TRAPPC9: variants seen among roughly 807,000 people sequenced by gnomAD.
TRAPPC9 encodes the protein trafficking protein particle complex subunit 9.
In TRAPPC9, 83 loss-of-function variants were observed where a neutral mutation model predicts 124.0. The observed-to-expected ratio is 0.67, with a 90% CI of 0.56 to 0.80. TRAPPC9 has a LOEUF of 0.80. TRAPPC9 is among the 30% of genes least tolerant of loss of function. The pLI is 0.00. For missense variants in TRAPPC9, 1,302 were observed against 1,508.3 expected, an observed-to-expected ratio of 0.86 and a Z score of 2.27; for synonymous variants, 638 against 617.5, an observed-to-expected ratio of 1.03 and a Z score of -0.49.
chr8:139,941,757 C>T (rs1272131994), intron 19 of TRAPPC9, among the ~76,000 whole-genome samples: 2 of 152,130 alleles, frequency 1.3e-5, no homozygotes, highest in Non-Finnish European at 2.9e-5. Context: ...GCAGGCTGGC[C>T]GAGCAGGAGG....
intron 15 of TRAPPC9, among the ~76,000 whole-genome samples, chr8:140,266,182 C>T (rs1033505693): frequency 6.6e-5 from 10 of 152,078 alleles, no homozygotes; most frequent in African/African-American, 2.4e-4. Context: ...AGTGGCCAGG[C>T]ATGGTGGGTC....
chr8:139,902,277 A>G (rs1484011689), intron 20 of TRAPPC9, among the ~76,000 whole-genome samples: 1 of 152,234 alleles, frequency 6.6e-6, no homozygotes, highest in African/African-American at 2.4e-5. Context: ...CAAGGTGGGC[A>G]TGGCCACCAG....
chr8:140,233,510 A>G (rs2063652839), intron 16 of TRAPPC9, among the ~76,000 whole-genome samples: 5 of 151,414 alleles, frequency 3.3e-5, no homozygotes. Flanking sequence ...AGCCTCAAGG[A>G]CTAACTTTAT....
In TRAPPC9 at chr8:139,894,576, C is replaced by G. The variant is rs1336730101; in HGVS notation, c.2965-8607G>C. ...CAGCGGAGGGAGGGGGGGGCTGCTG[C>G]TTCTCTTTCCCTTGCAGCCCCCACA... On this transcript the variant is annotated intron_variant, in intron 20 of 22. Transcript: ENST00000438773. Among the ~76,000 whole-genome samples, 3 of 152,166 alleles carry G rather than the reference C, an allele frequency of 2.0e-5. 1 individual carries two copies.
At chr8:139,845,080 G>A (rs1016258531) in intron 21 of TRAPPC9, among the ~76,000 whole-genome samples, 6 of 152,244 alleles carry the variant, frequency 3.9e-5, no homozygotes, top group East Asian at 1.9e-4. Context: ...CAAGCAACAC[G>A]GAGCTGAGTT....
chr8:139,963,325 C>T (rs1245393384), intron 19 of TRAPPC9, among the ~76,000 whole-genome samples: 1 of 152,140 alleles, frequency 6.6e-6, no homozygotes, highest in Non-Finnish European at 1.5e-5. Context: ...GCTACGGAAA[C>T]AGCAGAGCAG....
chr8:140,173,949 A>G (rs2062013921), intron 17 of TRAPPC9, among the ~76,000 whole-genome samples: 1 of 152,192 alleles, frequency 6.6e-6, no homozygotes, highest in South Asian at 2.1e-4. Flanking sequence ...GGGTTATTGT[A>G]ATAATTAATA....
At chr8:139,859,136 C>A (rs1174233437) in intron 21 of TRAPPC9, among the ~76,000 whole-genome samples, 1 of 151,848 alleles carries the variant, frequency 6.6e-6, no homozygotes, top group Non-Finnish European at 1.5e-5. Flanking sequence ...TCCAGCCCCC[C>A]GGTTTCTGGC....
intron 21 of TRAPPC9, among the ~76,000 whole-genome samples, chr8:139,842,155 C>T (rs1826774052): frequency 1.3e-5 from 2 of 152,234 alleles, no homozygotes; most frequent in South Asian, 4.1e-4. Context: ...GCTTTTAAAA[C>T]ACTGTCCTGG....
chr8:139,814,700 A>G (rs1183208424), intron 21 of TRAPPC9, among the ~76,000 whole-genome samples: 1 of 152,154 alleles, frequency 6.6e-6, no homozygotes, highest in Non-Finnish European at 1.5e-5. Flanking sequence ...TCTGCTAGTT[A>G]GCCTCAAAAA....
chr8:139,826,717 G>A (rs1011756542), intron 21 of TRAPPC9, among the ~76,000 whole-genome samples: 1 of 152,194 alleles, frequency 6.6e-6, no homozygotes, highest in African/African-American at 2.4e-5. Context: ...CCTGTGGACT[G>A]GGGACGCCGG....
intron 15 of TRAPPC9, among the ~76,000 whole-genome samples, chr8:140,261,459 T>TA (rs2064408566): frequency 6.6e-6 from 1 of 152,194 alleles, no homozygotes; most frequent in African/African-American, 2.4e-5. Context: ...TGAAAATTTC[T>TA]GTAAAGTTTA....
rs62529302 is a variant in TRAPPC9 at position 140,195,897 on chromosome 8, T to C, written c.2556+25562A>G. 8.5e-3 allele frequency among the ~76,000 whole-genome samples: 772 copies of C among 90,572 alleles called. 5 individuals carry two copies. The highest frequency in any genetic ancestry group is 0.036 in the Middle Eastern group (5 of 140). 59.4% of individuals were successfully genotyped at this position (90,572 alleles called of 152,430 possible). A position where few individuals can be genotyped will look rare whatever the true frequency, so the allele number is the denominator to read the frequency against. ...TCAACGATCCACCATACAGATCACATCTGTGACACTAAAACACACTCAACG... is the reference window on the plus strand; with the variant it reads ...TCAACGATCCACCATACAGATCACACCTGTGACACTAAAACACACTCAACG... On this transcript the variant is annotated intron_variant, in intron 17 of 22. Transcript: ENST00000438773.
chr8:140,162,712 G>A (rs562364160), intron 17 of TRAPPC9, among the ~76,000 whole-genome samples: 15 of 152,158 alleles, frequency 9.9e-5, no homozygotes, highest in Non-Finnish European at 1.5e-4. Context: ...TACAGGGGCC[G>A]GCACAGTGGC....
intron 19 of TRAPPC9, among the ~76,000 whole-genome samples, chr8:139,940,149 AGGATCC>A (rs1833814658): frequency 1.3e-5 from 2 of 152,190 alleles, no homozygotes; most frequent in Admixed American, 1.3e-4. Flanking sequence ...CCTGTCTTAC[AGGATCC>A]GCCACGGCCT....
At chr8:139,893,598 T>C (rs772961933) in intron 20 of TRAPPC9, among the ~76,000 whole-genome samples, 1 of 152,204 alleles carries the variant, frequency 6.6e-6, no homozygotes, top group Non-Finnish European at 1.5e-5. Context: ...AATAATGTAA[T>C]GAAAACATGC....
chr8:140,252,823 C>A lies in TRAPPC9; in HGVS notation c.2385G>T (p.Lys795Asn). The part of the protein sequence containing the change: ...VATFTINIKV[K>N]LDFSCQENLL... ...GATTCTCCTGGCAGGAGAAATCCAGCTTCACTTTGATGTTGATTGTGAACG... is the reference window on the plus strand; with the variant it reads ...GATTCTCCTGGCAGGAGAAATCCAGATTCACTTTGATGTTGATTGTGAACG... Residue 795 changes from lysine to asparagine, a missense_variant, in exon 16 of 23, where the codon AAG (lysine) becomes AAT (asparagine). By Grantham distance (94) the Lys-to-Asn change is moderately conservative. This residue lies in a region of TRAPPC9 where 640 missense variants were observed against 679.3 expected (regional missense o/e 0.94). Transcript: ENST00000438773. This position sits in a 1 kb window ranked among gnomAD's most constrained non-coding sequence, Gnocchi z 4.2. The A allele has an allele frequency of 6.2e-7, 1 of 1,614,124 alleles. No individual in the cohort carries two copies. Among genetic ancestry groups the A allele is most frequent in the Non-Finnish European group, 8.5e-7 (1 of 1,180,030 alleles).
At chr8:139,830,298 C>T (rs1400301351) in intron 21 of TRAPPC9, among the ~76,000 whole-genome samples, 7 of 151,576 alleles carry the variant, frequency 4.6e-5, no homozygotes, top group African/African-American at 1.7e-4. Context: ...CACATGCACA[C>T]ACACTACACA....
At chr8:139,863,340 C>A (rs1828297883) in intron 21 of TRAPPC9, among the ~76,000 whole-genome samples, 1 of 152,246 alleles carries the variant, frequency 6.6e-6, no homozygotes, top group Non-Finnish European at 1.5e-5. Context: ...GACCTGCCCG[C>A]TGCCCAGCTG....
Sources: gnomAD v4.1 joint callset for allele counts (sites outside exome capture counted in the v4.1 genomes callset) on GRCh38, gnomAD v4.1.1 for gene constraint, gnomAD v4.1.1 regional missense constraint, Gnocchi (gnomAD v3.1) non-coding constraint, MANE v1.5 for transcripts, NCBI Gene and HGNC (gene_info 2026-07-23, HGNC 2026-07-21) for gene names.